Variants in NFATC2 observed in about 807,000 individuals in gnomAD.
NFATC2 encodes nuclear factor of activated T-cells, cytoplasmic 2.
Under a neutral mutation model 87.3 loss-of-function variants are expected in NFATC2, and 22 were observed. That is an observed-to-expected ratio of 0.25 (90% confidence interval 0.18 to 0.36). The LOEUF (loss-of-function observed/expected upper bound fraction) is 0.36, where lower values mean the gene tolerates loss of function less well. NFATC2 is among the 10% of genes least tolerant of loss of function. The pLI is 1.00. For synonymous variants in NFATC2, 565 were observed against 542.2 expected (o/e 1.04, Z -0.58); for missense variants, 1,149 against 1,259.1 (o/e 0.91, Z 1.32).
intron 1 of NFATC2, among the ~76,000 whole-genome samples, chr20:51,551,482 C>A (rs1319157347): frequency 6.6e-6 from 1 of 151,976 alleles, no homozygotes; most frequent in Non-Finnish European, 1.5e-5. Flanking sequence ...TGGCTCACTG[C>A]AGCTTCAACC....
At chr20:51,400,847 C>CTAGCATTGGGTAGAGACCA (rs1987958632) in intron 9 of NFATC2, among the ~76,000 whole-genome samples, 1 of 151,874 alleles carries the variant, frequency 6.6e-6, no homozygotes, top group Admixed American at 6.5e-5. Flanking sequence ...GAACAGCCTC[C>CTAGCATTGGGTAGAGACCA]TAGCATTGGG....
Position 51,398,636 on chromosome 20 carries a change from C to G in NFATC2, c.*44+7G>C, listed in dbSNP as rs754985514. 22 of 1,583,200 alleles carry G rather than the reference C, an allele frequency of 1.4e-5. No homozygotes were observed. The highest frequency in any genetic ancestry group is 1.7e-5 in the Non-Finnish European group (20 of 1,162,024). On this transcript the variant is annotated splice_region_variant and intron_variant, in intron 10 of 10. Transcript: ENST00000371564. Reference sequence around the variant, plus strand: ...AAACAAAAGGAGAAGCAGAAGATATCGATTACCTTTAACTTTGATTTCTCG... The same window carrying G: ...AAACAAAAGGAGAAGCAGAAGATATGGATTACCTTTAACTTTGATTTCTCG...
intron 10 of NFATC2, among the ~76,000 whole-genome samples, chr20:51,393,951 CTCT>C (rs1600638070): frequency 6.6e-6 from 1 of 152,012 alleles, no homozygotes; most frequent in African/African-American, 2.4e-5. Flanking sequence ...GCATGTTTCC[CTCT>C]TCTTGGATGG....
Position 51,492,698 on chromosome 20 carries a change from G to A in NFATC2, c.1333-17038C>T, listed in dbSNP as rs116319849. ...CCCCGCTCCAGCCCTTGGGGAGCAG[G>A]AGGCGGCCGGGGCTCCATGCCAGGC... On this transcript the variant is annotated intron_variant, in intron 3 of 10. Coordinates refer to ENST00000371564, the MANE Select transcript of NFATC2 (RefSeq NM_012340.5). Among the ~76,000 whole-genome samples the A allele has an allele frequency of 7.8e-3, 1,184 of 152,344 alleles. 19 individuals are homozygous for A. The highest frequency in any genetic ancestry group is 0.027 in the African/African-American group (1,119 of 41,576).
intron 3 of NFATC2, among the ~76,000 whole-genome samples, chr20:51,487,949 A>G (rs536595084): frequency 1.1e-4 from 16 of 152,182 alleles, no homozygotes; most frequent in Non-Finnish European, 2.2e-4. Flanking sequence ...GCACGGCGAG[A>G]CGGCGCTGAG....
rs1249630715 is a variant in NFATC2, at chr20:51,389,191, A to T, written c.*2305T>A. On this transcript the variant is annotated 3_prime_UTR_variant, in exon 11 of 11. Coordinates refer to ENST00000371564, the MANE Select transcript of NFATC2 (RefSeq NM_012340.5). Reference sequence around the variant, plus strand: ...CACGCGTACAGGAGGTTGAGCTACCAGGAGGCCGTTTTTGCTAACATAGTT... The same window carrying T: ...CACGCGTACAGGAGGTTGAGCTACCTGGAGGCCGTTTTTGCTAACATAGTT... 1 of 152,202 alleles carries T rather than the reference A, an allele frequency of 6.6e-6. No homozygotes were observed. Among genetic ancestry groups the T allele is most frequent in the East Asian group, 1.9e-4 (1 of 5,198 alleles). The allele number at this position is 152,202 out of a possible 1,614,324, so 9.4% of individuals were successfully genotyped here.
At chr20:51,401,008 T>G (rs6021181) in intron 9 of NFATC2, among the ~76,000 whole-genome samples, 29,036 of 152,140 alleles carry the variant, frequency 0.19, 3,707 homozygotes, top group African/African-American at 0.35. Flanking sequence ...ACAGTGCCTC[T>G]GCCTCAGTCT....
chr20:51,556,359 C>T (rs557028905), intron 1 of NFATC2, among the ~76,000 whole-genome samples: 4 of 152,188 alleles, frequency 2.6e-5, no homozygotes, highest in Non-Finnish European at 5.9e-5. Flanking sequence ...CACACACACA[C>T]CCCAAGTCGT....
chr20:51,474,189 C>T, intron 4 of NFATC2, 37 bp from the exon 5 acceptor site: 2 of 1,605,540 alleles, frequency 1.2e-6, no homozygotes, highest in Non-Finnish European at 1.7e-6. Context: ...TCACCAACTA[C>T]CTTCAGGAGC....
chr20:51,522,992 A>C (rs964641974), intron 2 of NFATC2, 89 bp downstream of exon 2: 37 of 1,554,404 alleles, frequency 2.4e-5, no homozygotes, highest in Non-Finnish European at 3.1e-5. Context: ...AGTCAGTCTT[A>C]AACCTGACTC....
intron 8 of NFATC2, 117 bp downstream of exon 8, chr20:51,435,071 C>G: frequency 7.8e-7 from 1 of 1,289,176 alleles, no homozygotes; most frequent in Admixed American, 2.2e-5. Context: ...AACTGAGGCT[C>G]AGAGAGGTTG....
At chr20:51,406,449 G>T (rs1978333732) in intron 9 of NFATC2, among the ~76,000 whole-genome samples, 1 of 152,204 alleles carries the variant, frequency 6.6e-6, no homozygotes, top group Non-Finnish European at 1.5e-5. Flanking sequence ...GATTTAAGAA[G>T]CAAAGAGCGG....
At chr20:51,520,654 T>A (rs1037314634) in intron 2 of NFATC2, among the ~76,000 whole-genome samples, 4 of 150,974 alleles carry the variant, frequency 2.6e-5, no homozygotes, top group African/African-American at 9.7e-5. Context: ...TTATTTATTA[T>A]TATTATTATT....
chr20:51,417,675 C>A (rs956303651), intron 9 of NFATC2, among the ~76,000 whole-genome samples: 18 of 152,384 alleles, frequency 1.2e-4, no homozygotes, highest in African/African-American at 4.1e-4. Flanking sequence ...GATGAACAGC[C>A]TTCCCCTTGC....
chr20:51,493,267 C>A (rs1476117931), intron 3 of NFATC2, among the ~76,000 whole-genome samples: 1 of 152,072 alleles, frequency 6.6e-6, no homozygotes, highest in South Asian at 2.1e-4. Context: ...TTGCCAGGAC[C>A]CAATGAATTG....
At chr20:51,410,309 G>A (rs535117299) in intron 9 of NFATC2, among the ~76,000 whole-genome samples, 33 of 151,552 alleles carry the variant, frequency 2.2e-4, no homozygotes, top group African/African-American at 7.1e-4. Flanking sequence ...TCATTTTTAG[G>A]TGTGATAACA....
At chr20:51,454,813 A>G (rs1986225129) in intron 5 of NFATC2, 125 bp from the exon 6 acceptor site, 1 of 1,071,532 alleles carries the variant, frequency 9.3e-7, no homozygotes, top group South Asian at 1.6e-5. Flanking sequence ...TGTTATCTAA[A>G]ATGTGGAACC....
intron 1 of NFATC2, among the ~76,000 whole-genome samples, chr20:51,547,995 T>C (rs971227715): frequency 6.6e-6 from 1 of 152,114 alleles, no homozygotes; most frequent in Non-Finnish European, 1.5e-5. Context: ...CTTTAAAAAA[T>C]ATACATCTGA....
intron 2 of NFATC2, among the ~76,000 whole-genome samples, chr20:51,521,328 A>ATT (rs200855308): frequency 1.1e-4 from 17 of 149,972 alleles, no homozygotes; most frequent in South Asian, 4.2e-4. Context: ...TTTTATTTTT[A>ATT]TTTTTTTTTT....
Sources: allele counts gnomAD v4.1 joint callset (sites outside exome capture counted in the v4.1 genomes callset), GRCh38; gene constraint gnomAD v4.1.1; transcripts MANE v1.5; gene names NCBI Gene and HGNC (gene_info 2026-07-23, HGNC 2026-07-21).